Variants in SRGAP1 observed in about 807,000 individuals in gnomAD.
SRGAP1 encodes the protein SLIT-ROBO Rho GTPase activating protein 1, also known as SLIT-ROBO Rho GTPase-activating protein 1.
Under a neutral mutation model 121.9 loss-of-function variants are expected in SRGAP1, and 43 were observed. That is an observed-to-expected ratio of 0.35 (90% CI 0.28 to 0.46). The LOEUF (loss-of-function observed/expected upper bound fraction) is 0.46. SRGAP1 is among the 20% of genes least tolerant of loss of function. SRGAP1 has a pLI of 1.00. For missense variants in SRGAP1, 1,102 were observed against 1,350.9 expected, an observed-to-expected ratio of 0.82 and a Z score of 2.89; for synonymous variants, 447 against 485.4, an observed-to-expected ratio of 0.92 and a Z score of 1.04.
At chr12:63,907,008 C>T (rs1158871984) in intron 1 of SRGAP1, among the ~76,000 whole-genome samples, 1 of 151,992 alleles carries the variant, frequency 6.6e-6, no homozygotes, top group Non-Finnish European at 1.5e-5. Context: ...CAAATTGTGC[C>T]TCGTTTTGTG....
chr12:64,004,248 C>CA (rs1266193191), intron 3 of SRGAP1, among the ~76,000 whole-genome samples: 1 of 152,158 alleles, frequency 6.6e-6, no homozygotes, highest in African/African-American at 2.4e-5. Context: ...AGAAGGCACG[C>CA]AGTCCCTCAT....
chr12:64,157,883 G>A lies in SRGAP1; in HGVS notation c.*15211G>A, dbSNP rs1416898767. 1 of 149,546 alleles carries A rather than the reference G, an allele frequency of 6.7e-6. No homozygotes were observed. The highest frequency in any genetic ancestry group is 2.5e-5 in the African/African-American group (1 of 40,476). The allele number at this position is 149,546 out of a possible 1,614,324, so 9.3% of individuals were successfully genotyped here. A position where few individuals can be genotyped will look rare whatever the true frequency, so the allele number is the denominator to read the frequency against. Reference sequence around the variant, plus strand: ...GTGTGGATCGGGCAGGTGACTCAGGGTTCTGGGCTCCTTCCATTTTTTTTG... The same window carrying A: ...GTGTGGATCGGGCAGGTGACTCAGGATTCTGGGCTCCTTCCATTTTTTTTG... On this transcript the variant is annotated 3_prime_UTR_variant, in exon 22 of 22. Coordinates refer to ENST00000355086, the MANE Select transcript of SRGAP1 (RefSeq NM_020762.4).
At chr12:64,116,091 C>T (rs1293426158) in intron 18 of SRGAP1, 198 bp downstream of exon 18, 1 of 493,116 alleles carries the variant, frequency 2.0e-6, no homozygotes, top group African/African-American at 2.0e-5. Flanking sequence ...CCCATCTCTA[C>T]AAAAAAATAC....
chr12:63,964,839 C>G (rs2032742507), intron 1 of SRGAP1, among the ~76,000 whole-genome samples: 1 of 152,176 alleles, frequency 6.6e-6, no homozygotes. Context: ...AATATTGAGT[C>G]ACTTTTGTCC....
intron 15 of SRGAP1, among the ~76,000 whole-genome samples, chr12:64,102,447 C>A (rs540956638): frequency 1.3e-5 from 2 of 152,240 alleles, no homozygotes; most frequent in South Asian, 2.1e-4. Context: ...AGAGTACAGG[C>A]CAGTGGTTTT....
At chr12:63,914,531 T>A (rs1455772017) in intron 1 of SRGAP1, among the ~76,000 whole-genome samples, 9 of 152,208 alleles carry the variant, frequency 5.9e-5, no homozygotes, top group African/African-American at 2.2e-4. Context: ...TAAAATAATC[T>A]TTTTCCGTGT....
At chr12:64,095,248 C>T in intron 14 of SRGAP1, 44 bp downstream of exon 14, 1 of 1,567,380 alleles carries the variant, frequency 6.4e-7, no homozygotes, top group Non-Finnish European at 8.8e-7. Flanking sequence ...GTTGAAAAGT[C>T]ATCATGTTCT....
intron 1 of SRGAP1, among the ~76,000 whole-genome samples, chr12:63,886,866 A>T (rs1900403462): frequency 6.6e-6 from 1 of 151,854 alleles, no homozygotes; most frequent in Admixed American, 6.6e-5. Context: ...CCTCCAGAGG[A>T]TTTAAGGATT....
chr12:63,848,448 T>C (rs1341536451), intron 1 of SRGAP1, among the ~76,000 whole-genome samples: 3 of 152,130 alleles, frequency 2.0e-5, no homozygotes, highest in Non-Finnish European at 4.4e-5. Flanking sequence ...ATGTATCTAG[T>C]TGTGTGTATC....
chr12:64,010,072 A>T (rs1264788044), intron 3 of SRGAP1, among the ~76,000 whole-genome samples: 1 of 152,172 alleles, frequency 6.6e-6, no homozygotes, highest in Non-Finnish European at 1.5e-5. Flanking sequence ...ATACTGTGGA[A>T]GTATGGCCTG....
At chr12:63,901,789 G>C (rs1468430250) in intron 1 of SRGAP1, among the ~76,000 whole-genome samples, 1 of 152,122 alleles carries the variant, frequency 6.6e-6, no homozygotes, top group East Asian at 1.9e-4. Flanking sequence ...AAATTAACTG[G>C]ATTATCATCA....
chr12:64,056,831 A>T (rs953898997), intron 6 of SRGAP1, among the ~76,000 whole-genome samples: 5 of 152,168 alleles, frequency 3.3e-5, no homozygotes, highest in African/African-American at 9.7e-5. Flanking sequence ...TTTCCAGAGC[A>T]TTGCAGGACT....
At chr12:63,885,412 C>T (rs1900345369) in intron 1 of SRGAP1, among the ~76,000 whole-genome samples, 1 of 152,156 alleles carries the variant, frequency 6.6e-6, no homozygotes, top group Non-Finnish European at 1.5e-5. Context: ...GCACCACGCT[C>T]CAGGAACCTC....
intron 1 of SRGAP1, among the ~76,000 whole-genome samples, chr12:63,861,674 G>A (rs1899457405): frequency 6.6e-6 from 1 of 151,974 alleles, no homozygotes; most frequent in African/African-American, 2.4e-5. Context: ...TATTATTTCT[G>A]TGACTCATGA....
At chr12:63,933,836 A>G (rs944066416) in intron 1 of SRGAP1, among the ~76,000 whole-genome samples, 1 of 152,224 alleles carries the variant, frequency 6.6e-6, no homozygotes, top group African/African-American at 2.4e-5. Context: ...CAATCTTGCA[A>G]ATTTTAGGTG....
chr12:63,973,499 T>C (rs1354994855), intron 1 of SRGAP1, among the ~76,000 whole-genome samples: 4 of 152,184 alleles, frequency 2.6e-5, no homozygotes, highest in Admixed American at 2.6e-4. Flanking sequence ...CATAATAGGA[T>C]TGCTGTAAGA....
Position 64,142,641 on chromosome 12 carries a change from A to G in SRGAP1, c.3227A>G (p.Gln1076Arg). ...ACCATAGGACCTGCCCCACCTCCCC[A>G]GGGTCCAACAGACAAGTCATGCACA... is the stretch of plus-strand genomic sequence containing the variant. Reference protein sequence around the residue: ...NPTIGPAPPPQGPTDKSCTM With the variant: ...NPTIGPAPPPRGPTDKSCTM The change falls in exon 22 of 22, where the codon CAG becomes CGG. Residue 1076 changes from glutamine to arginine, a missense_variant. By Grantham distance (43) the Gln-to-Arg change is conservative. Coordinates refer to ENST00000355086, the MANE Select transcript of SRGAP1 (RefSeq NM_020762.4). The G allele has an allele frequency of 1.9e-6, 3 of 1,614,120 alleles. No individual in the cohort carries two copies. Among genetic ancestry groups the G allele is most frequent in the Non-Finnish European group, 2.5e-6 (3 of 1,180,004 alleles).
At chr12:64,092,054 C>A in intron 12 of SRGAP1, 1 of 756,810 alleles carries the variant, frequency 1.3e-6, no homozygotes. Flanking sequence ...GGAAATCAGA[C>A]AAGTTTATAA....
intron 6 of SRGAP1, among the ~76,000 whole-genome samples, chr12:64,053,379 C>G (rs75496037): frequency 0.025 from 3,773 of 152,250 alleles, 170 homozygotes; most frequent in African/African-American, 0.085. Context: ...CTCATAGGCT[C>G]TAGTTTGCGG....
Sources: allele counts gnomAD v4.1 joint callset (sites outside exome capture counted in the v4.1 genomes callset), GRCh38; gene constraint gnomAD v4.1.1; transcripts MANE v1.5; gene names NCBI Gene and HGNC (gene_info 2026-07-23, HGNC 2026-07-21).